Variants in FAT3 observed in about 807,000 individuals in gnomAD.
FAT3 encodes the protein FAT atypical cadherin 3.
Under a neutral mutation model 310.2 loss-of-function variants are expected in FAT3, and 95 were observed. That is an observed-to-expected ratio of 0.31 (90% CI 0.26 to 0.36). FAT3 has a LOEUF of 0.36. FAT3 is among the 10% of genes least tolerant of loss of function. The pLI, the probability that FAT3 is intolerant of heterozygous loss-of-function variation, is 1.00. For synonymous variants in FAT3, 2,314 were observed against 2,192.9 expected, an observed-to-expected ratio of 1.06 and a Z score of -1.54; for missense variants, 5,408 against 5,715.6, an observed-to-expected ratio of 0.95 and a Z score of 1.74.
At chr11:92,414,115 C>G (rs554389462) in intron 2 of FAT3, among the ~76,000 whole-genome samples, 1 of 152,242 alleles carries the variant, frequency 6.6e-6, no homozygotes, top group South Asian at 2.1e-4. Context: ...AGGATTTTCT[C>G]TTGTTTGGCA....
At chr11:92,305,764 T>C (rs1947101599) in intron 1 of FAT3, among the ~76,000 whole-genome samples, 1 of 152,074 alleles carries the variant, frequency 6.6e-6, no homozygotes, top group Non-Finnish European at 1.5e-5. Context: ...ACTCTTCAAA[T>C]GTCAAGGTCA....
chr11:92,624,099 T>C (rs1941215628), intron 3 of FAT3, among the ~76,000 whole-genome samples: 1 of 152,186 alleles, frequency 6.6e-6, no homozygotes, highest in African/African-American at 2.4e-5. Flanking sequence ...AAAAAGCTAT[T>C]ACAATGCAAA....
intron 2 of FAT3, among the ~76,000 whole-genome samples, chr11:92,502,636 G>C (rs1952975564): frequency 6.6e-6 from 1 of 152,034 alleles, no homozygotes. Flanking sequence ...GAAAGTGTAG[G>C]CAGGCAAATA....
At chr11:92,420,416 G>A (rs1950511932) in intron 2 of FAT3, among the ~76,000 whole-genome samples, 1 of 152,122 alleles carries the variant, frequency 6.6e-6, no homozygotes, top group African/African-American at 2.4e-5. Context: ...GTTTGCATGT[G>A]GATAGCTATG....
intron 13 of FAT3, among the ~76,000 whole-genome samples, chr11:92,812,370 C>T (rs1947698541): frequency 2.6e-5 from 4 of 152,062 alleles, no homozygotes; most frequent in Admixed American, 2.6e-4. Flanking sequence ...ATCACGAGGT[C>T]AGGAGTTCAT....
intron 2 of FAT3, among the ~76,000 whole-genome samples, chr11:92,419,792 G>GTA: frequency 6.6e-6 from 1 of 152,084 alleles, no homozygotes; most frequent in Non-Finnish European, 1.5e-5. Context: ...CTAGTGAGTC[G>GTA]ATTTCAGATG....
chr11:92,627,937 G>T (rs1311893688), intron 3 of FAT3, among the ~76,000 whole-genome samples: 2 of 152,224 alleles, frequency 1.3e-5, no homozygotes, highest in East Asian at 1.9e-4. Flanking sequence ...GGAGCGTGGG[G>T]CTTTGAAGCC....
intron 2 of FAT3, among the ~76,000 whole-genome samples, chr11:92,487,919 C>T (rs111285318): frequency 0.027 from 4,119 of 152,294 alleles, 88 homozygotes; most frequent in Non-Finnish European, 0.039. Context: ...GTGGCCCCCA[C>T]GATCCCTGTC....
intron 3 of FAT3, among the ~76,000 whole-genome samples, chr11:92,533,625 C>T (rs1954152261): frequency 6.6e-6 from 1 of 152,132 alleles, no homozygotes; most frequent in Non-Finnish European, 1.5e-5. Context: ...CAGTCATGAA[C>T]TAAATGATAA....
chr11:92,712,733 G>C (rs1435121758), intron 4 of FAT3, among the ~76,000 whole-genome samples: 1 of 152,154 alleles, frequency 6.6e-6, no homozygotes, highest in Non-Finnish European at 1.5e-5. Flanking sequence ...TATTTCCAAA[G>C]GCATAAATGT....
chr11:92,616,814 A>T (rs982214186), intron 3 of FAT3, among the ~76,000 whole-genome samples: 13 of 152,094 alleles, frequency 8.5e-5, no homozygotes, highest in African/African-American at 2.2e-4. Context: ...CTCACTCTCT[A>T]CTGGCTTGTA....
At chr11:92,279,506 CAT>C (rs1207421936) in intron 1 of FAT3, among the ~76,000 whole-genome samples, 2 of 152,278 alleles carry the variant, frequency 1.3e-5, no homozygotes, top group Admixed American at 6.5e-5. Context: ...TATCTTCACA[CAT>C]GTGTGAGTGC....
At chr11:92,431,518 A>G (rs1393016432) in intron 2 of FAT3, among the ~76,000 whole-genome samples, 1 of 152,210 alleles carries the variant, frequency 6.6e-6, no homozygotes, top group Non-Finnish European at 1.5e-5. Flanking sequence ...TAATTTAATT[A>G]GATCCCATTT....
chr11:92,662,953 T>C (rs1255270477), intron 3 of FAT3, among the ~76,000 whole-genome samples: 1 of 152,200 alleles, frequency 6.6e-6, no homozygotes, highest in Non-Finnish European at 1.5e-5. Context: ...TAGGATGTCC[T>C]GTGGGAATGG....
intron 2 of FAT3, among the ~76,000 whole-genome samples, chr11:92,435,211 G>A (rs1223281036): frequency 1.3e-5 from 2 of 152,150 alleles, no homozygotes; most frequent in Admixed American, 6.5e-5. Context: ...CATAGACAAG[G>A]AATGGATCTC....
chr11:92,229,479 T>C (rs1297133438), intron 1 of FAT3, among the ~76,000 whole-genome samples: 1 of 147,976 alleles, frequency 6.8e-6, no homozygotes, highest in Non-Finnish European at 1.5e-5. Context: ...GTTTTCTTTT[T>C]TTGTTTTTTC....
At chr11:92,675,800 A>T (rs976994320) in intron 3 of FAT3, among the ~76,000 whole-genome samples, 6 of 152,338 alleles carry the variant, frequency 3.9e-5, no homozygotes, top group African/African-American at 1.4e-4. Flanking sequence ...GAAACACAAG[A>T]TTCATTTCTC....
At chr11:92,834,294 T>C (rs965872777) in intron 14 of FAT3, among the ~76,000 whole-genome samples, 1 of 152,242 alleles carries the variant, frequency 6.6e-6, no homozygotes, top group African/African-American at 2.4e-5. Flanking sequence ...GCTGTTTGAT[T>C]TCCAGGTAGT....
At chr11:92,476,702 G>A (rs1952060710) in intron 2 of FAT3, among the ~76,000 whole-genome samples, 2 of 152,172 alleles carry the variant, frequency 1.3e-5, no homozygotes, top group African/African-American at 4.8e-5. Flanking sequence ...CACTCAGAGT[G>A]CTTGGGGAAA....
Sources: allele counts gnomAD v4.1 joint callset (sites outside exome capture counted in the v4.1 genomes callset), GRCh38; gene constraint gnomAD v4.1.1; transcripts MANE v1.5; gene names NCBI Gene and HGNC (gene_info 2026-07-23, HGNC 2026-07-21).